RORA: variants seen among roughly 807,000 people sequenced by gnomAD.
RORA encodes nuclear receptor ROR-alpha.
RORA carries 7 observed loss-of-function variants against 69.5 expected under a neutral mutation model. The observed-to-expected ratio is 0.10, with a 90% CI of 0.06 to 0.19. The LOEUF (loss-of-function observed/expected upper bound fraction) is 0.19, where lower values mean the gene tolerates loss of function less well. Among genes scored for constraint, RORA ranks in the 10% least tolerant of loss-of-function variants. The pLI, the probability that RORA is intolerant of heterozygous loss-of-function variation, is 1.00. For synonymous variants in RORA, 261 were observed against 240.8 expected, an observed-to-expected ratio of 1.08 and a Z score of -0.78; for missense variants, 457 against 663.0, an observed-to-expected ratio of 0.69 and a Z score of 3.41.
chr15:60,834,460 A>C (rs1307572655), intron 1 of RORA, among the ~76,000 whole-genome samples: 2 of 152,226 alleles, frequency 1.3e-5, no homozygotes, highest in Non-Finnish European at 2.9e-5. Context: ...GATATGTCCT[A>C]GGATGCCAAG....
intron 1 of RORA, among the ~76,000 whole-genome samples, chr15:61,133,705 C>G (rs1286612191): frequency 6.6e-6 from 1 of 152,160 alleles, no homozygotes; most frequent in African/African-American, 2.4e-5. Flanking sequence ...TCTCCTCCAA[C>G]CTGAGATAAA....
At chr15:61,137,780 T>A (rs988596575) in intron 1 of RORA, among the ~76,000 whole-genome samples, 2 of 152,278 alleles carry the variant, frequency 1.3e-5, no homozygotes, top group Admixed American at 6.5e-5. Flanking sequence ...ACACATTTTA[T>A]GCATTAAATT....
intron 1 of RORA, among the ~76,000 whole-genome samples, chr15:61,215,326 T>C (rs923566059): frequency 1.3e-5 from 2 of 152,036 alleles, no homozygotes; most frequent in East Asian, 1.9e-4. Flanking sequence ...GGAAAGAAAA[T>C]TGTTTGACAA....
At chr15:60,726,078 A>G (rs1264494645) in intron 1 of RORA, among the ~76,000 whole-genome samples, 9 of 152,182 alleles carry the variant, frequency 5.9e-5, no homozygotes, top group Non-Finnish European at 1.2e-4. Flanking sequence ...TCAGATGTTG[A>G]CATAATGCTG....
rs1255138494 is a variant in RORA at position 60,815,243 on chromosome 15, T to C, written c.167-136557A>G. On this transcript the variant is annotated intron_variant, in intron 1 of 10. Coordinates refer to ENST00000335670, the MANE Select transcript of RORA (RefSeq NM_134261.3). ...ATGTTATTACTTGGAATAATAATAA[T>C]AGTTTCCCCTAATAATTCTGTGTTA... 2.0e-5 allele frequency among the ~76,000 whole-genome samples: 3 copies of C among 152,304 alleles called. No homozygotes were observed. In the South Asian group the frequency reaches 6.2e-4, roughly 32 times the overall value.
intron 1 of RORA, among the ~76,000 whole-genome samples, chr15:61,018,068 C>T (rs2703452): frequency 3.3e-5 from 5 of 152,222 alleles, no homozygotes; most frequent in Admixed American, 2.0e-4. Flanking sequence ...ACTGTCTTTT[C>T]TATTTACTAC....
At chr15:60,833,495 T>C (rs548776419) in intron 1 of RORA, among the ~76,000 whole-genome samples, 18 of 152,292 alleles carry the variant, frequency 1.2e-4, no homozygotes, top group African/African-American at 4.3e-4. Context: ...GGATTACAGA[T>C]TACATCCCAC....
intron 2 of RORA, among the ~76,000 whole-genome samples, chr15:60,631,356 G>C (rs2069733201): frequency 6.6e-6 from 1 of 152,120 alleles, no homozygotes; most frequent in Admixed American, 6.5e-5. Flanking sequence ...ACAACCTTGA[G>C]GTGGTCAAGG....
At chr15:61,006,640 C>A (rs370937321) in intron 1 of RORA, among the ~76,000 whole-genome samples, 2 of 152,148 alleles carry the variant, frequency 1.3e-5, no homozygotes, top group Non-Finnish European at 1.5e-5. Context: ...CTGAAAGACA[C>A]CAATTCCAGC....
rs28671411 is a variant in RORA at position 60,608,342 on chromosome 15, T to G, written c.196+70315A>C. ...TTTTACATTTTATTGTTATTATCAT[T>G]ATGTTGTTGTTAATGAGAATGCAGC... is the stretch of plus-strand genomic sequence containing the variant. On this transcript the variant is annotated intron_variant, in intron 2 of 10. Transcript: ENST00000335670. Among the ~76,000 whole-genome samples, 509 of 152,278 alleles carry G rather than the reference T, an allele frequency of 3.3e-3. 6 individuals are homozygous for G. Among genetic ancestry groups the G allele is most frequent in the African/African-American group, 0.011 (443 of 41,554 alleles).
chr15:60,983,179 G>A (rs1429083094), intron 1 of RORA, among the ~76,000 whole-genome samples: 1 of 152,164 alleles, frequency 6.6e-6, no homozygotes, highest in Non-Finnish European at 1.5e-5. Flanking sequence ...AGGAAAGAGT[G>A]GTTGGACATG....
At chr15:61,214,514 C>G (rs1458000791) in intron 1 of RORA, among the ~76,000 whole-genome samples, 1 of 152,184 alleles carries the variant, frequency 6.6e-6, no homozygotes, top group East Asian at 1.9e-4. Context: ...AAACTACATA[C>G]AATCTCATCT....
chr15:61,182,326 C>T (rs923050302), intron 1 of RORA, among the ~76,000 whole-genome samples: 14 of 152,212 alleles, frequency 9.2e-5, no homozygotes, highest in African/African-American at 3.4e-4. Context: ...GGTTTCCTTC[C>T]TCCACTTCAG....
intron 1 of RORA, among the ~76,000 whole-genome samples, chr15:61,140,107 G>A (rs755437408): frequency 1.3e-5 from 2 of 152,072 alleles, no homozygotes; most frequent in African/African-American, 4.8e-5. Flanking sequence ...CTTATTTTTC[G>A]AGAGAGAAAA....
intron 1 of RORA, among the ~76,000 whole-genome samples, chr15:60,744,238 A>G (rs868113912): frequency 6.6e-6 from 1 of 152,224 alleles, no homozygotes; most frequent in African/African-American, 2.4e-5. Flanking sequence ...GAAAGACTGT[A>G]ATAAAGATAT....
intron 1 of RORA, among the ~76,000 whole-genome samples, chr15:61,013,006 T>C (rs1039907130): frequency 1.2e-4 from 18 of 152,220 alleles, no homozygotes; most frequent in Non-Finnish European, 1.6e-4. Context: ...CACAGGCAAA[T>C]GGTATCTTGG....
intron 1 of RORA, among the ~76,000 whole-genome samples, chr15:61,041,788 C>T (rs1357877555): frequency 1.3e-5 from 2 of 152,184 alleles, no homozygotes; most frequent in Non-Finnish European, 2.9e-5. Flanking sequence ...GCCCCAACAG[C>T]TAATGAACAA....
intron 1 of RORA, among the ~76,000 whole-genome samples, chr15:60,977,898 T>G (rs1183724333): frequency 6.6e-6 from 1 of 152,202 alleles, no homozygotes; most frequent in Non-Finnish European, 1.5e-5. Flanking sequence ...TTTTTGCTAT[T>G]ACAAATAATA....
intron 1 of RORA, among the ~76,000 whole-genome samples, chr15:61,219,208 T>C (rs1160069124): frequency 6.6e-6 from 1 of 152,216 alleles, no homozygotes; most frequent in Non-Finnish European, 1.5e-5. Flanking sequence ...TAATAATGCA[T>C]AGCCAAAATA....
Sources: allele counts gnomAD v4.1 joint callset (sites outside exome capture counted in the v4.1 genomes callset), GRCh38; gene constraint gnomAD v4.1.1; transcripts MANE v1.5; gene names NCBI Gene and HGNC (gene_info 2026-07-23, HGNC 2026-07-21).